HYCC2: variants seen among roughly 807,000 people sequenced by gnomAD.
HYCC2 encodes the protein hyccin 2.
the HYCC2 span, chr2:200,976,077 T>C: frequency 2.0e-5 from 3 of 152,116 alleles, no homozygotes; most frequent in Non-Finnish European, 2.9e-5. Context: ...TTCTAATTTC[T>C]AATTGGTTTT....
At chr2:201,017,010 A>G in the HYCC2 span, 2 of 1,613,226 alleles carry the variant, frequency 1.2e-6, no homozygotes, top group Non-Finnish European at 1.7e-6. Flanking sequence ...AATTCCTAAC[A>G]GAAGTGCTTC....
the HYCC2 span, among the ~76,000 whole-genome samples, chr2:201,001,885 T>C: frequency 1.3e-5 from 2 of 152,062 alleles, no homozygotes; most frequent in Non-Finnish European, 2.9e-5. Context: ...TTGGCTAAGC[T>C]GGCCTCAAAC....
the HYCC2 span, among the ~76,000 whole-genome samples, chr2:201,031,652 AAAAC>A: frequency 2.0e-5 from 3 of 152,224 alleles, no homozygotes; most frequent in African/African-American, 4.8e-5. Context: ...TCTGTCTCAA[AAAAC>A]AAACAAACAA....
chr2:201,011,560 T>C, the HYCC2 span: 8 of 710,304 alleles, frequency 1.1e-5, no homozygotes, highest in Non-Finnish European at 1.7e-5. Flanking sequence ...GAATATATGA[T>C]TGGCAGTAGG....
the HYCC2 span, among the ~76,000 whole-genome samples, chr2:201,014,476 T>C: frequency 6.6e-6 from 1 of 152,332 alleles, no homozygotes; most frequent in Non-Finnish European, 1.5e-5. Flanking sequence ...TTATGCAACA[T>C]AATGAATTCT....
At chr2:201,017,976 A>G in the HYCC2 span, among the ~76,000 whole-genome samples, 1 of 152,224 alleles carries the variant, frequency 6.6e-6, no homozygotes, top group African/African-American at 2.4e-5. Flanking sequence ...TGTGCATCCA[A>G]AATTCTAGCT....
chr2:201,045,128 A>G, the HYCC2 span, among the ~76,000 whole-genome samples: 1 of 152,230 alleles, frequency 6.6e-6, no homozygotes, highest in Non-Finnish European at 1.5e-5. Context: ...AGCTGCACTG[A>G]CTAAAATAGG....
chr2:201,033,700 A>G, the HYCC2 span, among the ~76,000 whole-genome samples: 1 of 151,472 alleles, frequency 6.6e-6, no homozygotes, highest in South Asian at 2.1e-4. Flanking sequence ...GACGGCACCC[A>G]GCCCAATTTT....
chr2:201,039,464 T>C, the HYCC2 span, among the ~76,000 whole-genome samples: 6 of 152,146 alleles, frequency 3.9e-5, no homozygotes, highest in African/African-American at 7.2e-5. Flanking sequence ...TCAAATATCG[T>C]CCAGAAATTT....
At chr2:201,025,902 A>C in the HYCC2 span, among the ~76,000 whole-genome samples, 1 of 152,156 alleles carries the variant, frequency 6.6e-6, no homozygotes, top group Non-Finnish European at 1.5e-5. Context: ...TCTCTACAAA[A>C]AAATTTTCAA....
At chr2:200,981,489 G>C in the HYCC2 span, 2 of 1,614,210 alleles carry the variant, frequency 1.2e-6, no homozygotes, top group East Asian at 4.5e-5. The surrounding 1 kb of genome is among the most constrained non-coding windows in gnomAD (Gnocchi z 4.5). Flanking sequence ...CATTTACATA[G>C]TCAAATGATT....
At chr2:200,984,455 A>G in the HYCC2 span, among the ~76,000 whole-genome samples, 1 of 152,256 alleles carries the variant, frequency 6.6e-6, no homozygotes, top group Non-Finnish European at 1.5e-5. Flanking sequence ...CATGTAATAA[A>G]CCCAATTTTA....
chr2:201,049,195 C>T, the HYCC2 span, among the ~76,000 whole-genome samples: 1 of 151,058 alleles, frequency 6.6e-6, no homozygotes, highest in Non-Finnish European at 1.5e-5. Flanking sequence ...AAGATAAAGC[C>T]ATAATAATAG....
At chr2:201,036,662 A>G in the HYCC2 span, among the ~76,000 whole-genome samples, 1 of 152,226 alleles carries the variant, frequency 6.6e-6, no homozygotes, top group Admixed American at 6.5e-5. Flanking sequence ...TTATCTCAAT[A>G]GATGCAGAAA....
At chr2:200,996,384 T>C in the HYCC2 span, 2 of 152,190 alleles carry the variant, frequency 1.3e-5, no homozygotes, top group African/African-American at 4.8e-5. Flanking sequence ...TCCTAGCACT[T>C]TGGAAGGCCA....
the HYCC2 span, among the ~76,000 whole-genome samples, chr2:200,982,840 C>A: frequency 1.6e-4 from 25 of 152,186 alleles, no homozygotes; most frequent in Non-Finnish European, 1.9e-4. Flanking sequence ...TCACTGCAAC[C>A]TCTGCCTCCC....
chr2:201,027,449 C>T, the HYCC2 span, among the ~76,000 whole-genome samples: 9 of 152,138 alleles, frequency 5.9e-5, no homozygotes, highest in Non-Finnish European at 1.3e-4. Flanking sequence ...AGGGAATCCT[C>T]CCTAACTCAT....
the HYCC2 span, among the ~76,000 whole-genome samples, chr2:201,024,493 A>C: frequency 1.3e-5 from 2 of 151,462 alleles, no homozygotes; most frequent in Non-Finnish European, 1.5e-5. Flanking sequence ...TGTCTCAAAA[A>C]TAAAATAAAA....
chr2:201,039,578 C>G, the HYCC2 span, among the ~76,000 whole-genome samples: 2 of 151,958 alleles, frequency 1.3e-5, no homozygotes, highest in Admixed American at 1.3e-4. Context: ...GTCTTTTTTT[C>G]GGTCAGGCAA....
Sources: gnomAD v4.1 joint callset for allele counts (sites outside exome capture counted in the v4.1 genomes callset) on GRCh38, gnomAD v4.1.1 for gene constraint, Gnocchi (gnomAD v3.1) non-coding constraint, MANE v1.5 for transcripts, NCBI Gene and HGNC (gene_info 2026-07-23, HGNC 2026-07-21) for gene names.